SHROOM4: variants seen among roughly 807,000 people sequenced by gnomAD.
SHROOM4 encodes protein Shroom4.
SHROOM4 carries 17 observed loss-of-function variants against 80.3 expected under a neutral mutation model. That is an observed-to-expected ratio of 0.21 (90% confidence interval 0.14 to 0.32). The LOEUF (loss-of-function observed/expected upper bound fraction) is 0.32, where lower values mean the gene tolerates loss of function less well. Ranked by LOEUF, SHROOM4 falls within the 10% of genes least tolerant of loss-of-function variation. The pLI, the probability that SHROOM4 is intolerant of heterozygous loss-of-function variation, is 1.00. For missense variants in SHROOM4, 993 were observed against 1,140.3 expected, an observed-to-expected ratio of 0.87 and a Z score of 1.86; for synonymous variants, 400 against 437.5, an observed-to-expected ratio of 0.91 and a Z score of 1.07.
intron 2 of SHROOM4, among the ~76,000 whole-genome samples, chrX:50,639,720 C>T (rs1179448009): frequency 3.6e-5 from 4 of 111,071 alleles, no homozygotes; most frequent in Non-Finnish European, 7.5e-5. Context: ...ATGCCCCTCA[C>T]CCCAGCAGAA....
At chrX:50,680,094 T>C (rs1557261669) in intron 2 of SHROOM4, among the ~76,000 whole-genome samples, 1 of 111,883 alleles carries the variant, frequency 8.9e-6, no homozygotes. Context: ...TTTCTTCACT[T>C]GCATTGTGGG....
chrX:50,696,899 G>C (rs371393718), intron 1 of SHROOM4, among the ~76,000 whole-genome samples: 38 of 111,953 alleles, frequency 3.4e-4, no homozygotes, highest in African/African-American at 1.0e-3. Context: ...GTCTCTGGGG[G>C]TCCTTGCTTA....
chrX:50,736,489 A>G (rs1557266712), intron 1 of SHROOM4, among the ~76,000 whole-genome samples: 1 of 111,387 alleles, frequency 9.0e-6, no homozygotes, highest in East Asian at 2.8e-4. Context: ...GCTCCCACTT[A>G]TAAGTGAAAA....
At chrX:50,652,469 T>C (rs1219145422) in intron 2 of SHROOM4, among the ~76,000 whole-genome samples, 3 of 112,147 alleles carry the variant, frequency 2.7e-5, no homozygotes, top group Non-Finnish European at 5.6e-5. Context: ...TTCTGGATAT[T>C]AGCCCTTTGT....
chrX:50,622,811 T>C (rs1201547876), intron 5 of SHROOM4, among the ~76,000 whole-genome samples: 5 of 112,458 alleles, frequency 4.4e-5, no homozygotes, highest in African/African-American at 1.6e-4. Flanking sequence ...GGGACCTGCC[T>C]CTTCCATCTT....
intron 4 of SHROOM4, 132 bp downstream of exon 4, chrX:50,633,046 A>T (rs1557254446): frequency 6.0e-6 from 4 of 668,709 alleles, no homozygotes; most frequent in Non-Finnish European, 6.8e-6. Context: ...AAGGTTACTA[A>T]GCTAACAACT....
At chrX:50,762,597 TC>T (rs1368470178) in intron 1 of SHROOM4, among the ~76,000 whole-genome samples, 1 of 112,081 alleles carries the variant, frequency 8.9e-6, no homozygotes, top group Non-Finnish European at 1.9e-5. Flanking sequence ...ACAAATTATC[TC>T]CGTCTTTGTT....
At chrX:50,695,490 T>TC (rs1381881080) in intron 2 of SHROOM4, among the ~76,000 whole-genome samples, 2 of 111,788 alleles carry the variant, frequency 1.8e-5, no homozygotes, top group Non-Finnish European at 3.8e-5. Flanking sequence ...AAACACTGGA[T>TC]TAGGTAGCCC....
intron 1 of SHROOM4, among the ~76,000 whole-genome samples, chrX:50,759,035 T>C (rs1158811000): frequency 1.8e-5 from 2 of 111,978 alleles, no homozygotes; most frequent in Admixed American, 9.5e-5. Context: ...AATCTGTAAT[T>C]TGAGTCTTCT....
At chrX:50,725,920 A>T (rs2147528042) in intron 1 of SHROOM4, among the ~76,000 whole-genome samples, 1 of 112,277 alleles carries the variant, frequency 8.9e-6, no homozygotes, top group African/African-American at 3.2e-5. Context: ...AGGGCTCAGA[A>T]GAGACAGGAA....
At position 50,596,547 on chromosome X, in the gene SHROOM4, T is replaced by C; in HGVS notation, c.*148A>G. 1 of 795,871 alleles carries C rather than the reference T, an allele frequency of 1.3e-6. No individual in the cohort carries two copies. The highest frequency in any genetic ancestry group is 1.8e-6 in the Non-Finnish European group (1 of 544,181). The allele number at this position is 795,871 out of a possible 1,213,427, so 65.6% of individuals were successfully genotyped here. A position where few individuals can be genotyped will look rare whatever the true frequency, so the allele number is the denominator to read the frequency against. ...TCTCCTAGCTGGTTAGGACCACTGC[T>C]AGGGAAGGGGTAGTGAGAGACATCC... On this transcript the variant is annotated 3_prime_UTR_variant, in exon 9 of 9. Transcript: ENST00000376020.
intron 2 of SHROOM4, among the ~76,000 whole-genome samples, chrX:50,645,502 G>C (rs1931796225): frequency 8.9e-6 from 1 of 111,839 alleles, no homozygotes; most frequent in Admixed American, 9.5e-5. Context: ...GACTAGAGGT[G>C]CAAGCATGTT....
intron 7 of SHROOM4, among the ~76,000 whole-genome samples, chrX:50,599,008 TTGTGTG>T (rs57494031): frequency 2.0e-5 from 2 of 98,829 alleles, no homozygotes; most frequent in Admixed American, 2.2e-4. Flanking sequence ...GTGTGTGTGT[TTGTGTG>T]TGTGTGTGTG....
Position 50,587,478 on chromosome X carries a change from A to G in SHROOM4, c.*9217T>C, listed in dbSNP as rs1435636371. 1.8e-5 allele frequency among the ~76,000 whole-genome samples: 2 copies of G among 112,260 alleles called. No homozygotes were observed. Among genetic ancestry groups the G allele is most frequent in the East Asian group, 5.6e-4 (2 of 3,585 alleles). ...TATTCTCTGGTGAAAATTAATGCAA[A>G]AAATATTTTAGTTACTGCAGTAGCA... On this transcript the variant is annotated 3_prime_UTR_variant, in exon 9 of 9. Transcript: ENST00000376020.
At chrX:50,673,452 G>A (rs1287947568) in intron 2 of SHROOM4, among the ~76,000 whole-genome samples, 2 of 111,018 alleles carry the variant, frequency 1.8e-5, no homozygotes, top group Admixed American at 9.6e-5. Flanking sequence ...TCTAATTAAT[G>A]TTTAAGTAAC....
chrX:50,798,261 G>A (rs994069569), intron 1 of SHROOM4, among the ~76,000 whole-genome samples: 2 of 111,364 alleles, frequency 1.8e-5, no homozygotes, highest in Non-Finnish European at 3.8e-5. Context: ...GCCAGTTACT[G>A]GTCCAATGAA....
At chrX:50,659,145 G>C (rs1021109901) in intron 2 of SHROOM4, among the ~76,000 whole-genome samples, 6 of 111,519 alleles carry the variant, frequency 5.4e-5, no homozygotes, top group African/African-American at 2.0e-4. Context: ...CCTGAGGGTA[G>C]GATATATGAG....
At chrX:50,575,815 G>A in the SHROOM4 span, among the ~76,000 whole-genome samples, 5 of 111,956 alleles carry the variant, frequency 4.5e-5, no homozygotes, top group East Asian at 1.4e-3. Context: ...TCTAGTAAAT[G>A]TATAGTTATG....
chrX:50,591,333 G>A lies in SHROOM4; in HGVS notation c.*5362C>T, dbSNP rs1928871062. 8.9e-6 allele frequency among the ~76,000 whole-genome samples: 1 copy of A among 112,139 alleles called. No individual in the cohort carries two copies. The highest frequency in any genetic ancestry group is 3.7e-4 in the South Asian group (1 of 2,672). On this transcript the variant is annotated 3_prime_UTR_variant, in exon 9 of 9. Coordinates refer to ENST00000376020, the MANE Select transcript of SHROOM4 (RefSeq NM_020717.5). ...AGTAAGTTTTGAAGTTGGGATGTATGAGCCCTCCAACTGTTCTTTTTAAAG... is the reference window on the plus strand; with the variant it reads ...AGTAAGTTTTGAAGTTGGGATGTATAAGCCCTCCAACTGTTCTTTTTAAAG...
Sources: gnomAD v4.1 joint callset for allele counts (sites outside exome capture counted in the v4.1 genomes callset) on GRCh38, gnomAD v4.1.1 for gene constraint, MANE v1.5 for transcripts, NCBI Gene and HGNC (gene_info 2026-07-23, HGNC 2026-07-21) for gene names.